The following CHN2 variants were observed in gnomAD, a reference collection of about 807,000 sequenced individuals.
CHN2 encodes beta-chimaerin.
A neutral mutation model predicts 56.3 loss-of-function variants in CHN2; 35 were observed. The ratio of observed to expected loss-of-function variants is 0.62; its 90% CI spans 0.47 to 0.82. The LOEUF (loss-of-function observed/expected upper bound fraction) is 0.82. Among genes scored for constraint, CHN2 ranks in the 40% least tolerant of loss-of-function variants. CHN2 has a pLI of 0.00. For missense variants in CHN2, 491 were observed against 580.5 expected (o/e 0.85, Z 1.58); for synonymous variants, 210 against 212.8 (o/e 0.99, Z 0.12).
At chr7:29,412,523 G>T (rs1803340875) in intron 6 of CHN2, among the ~76,000 whole-genome samples, 1 of 151,874 alleles carries the variant, frequency 6.6e-6, no homozygotes, top group Admixed American at 6.6e-5. Context: ...GTAGAGACAG[G>T]TTTCACCATG....
rs1186450006 is a variant in CHN2, at chr7:29,504,829, T to G, written c.991+8T>G. On this transcript the variant is annotated splice_region_variant and intron_variant, in intron 10 of 12. Coordinates refer to ENST00000222792, the MANE Select transcript of CHN2 (RefSeq NM_004067.4). ...AAATGGCATTTGACAGAGGTAAGCT[T>G]GTACTTTCTTGAATGCCATCTGACA... is the stretch of plus-strand genomic sequence containing the variant. 3 of 1,601,310 alleles carry G rather than the reference T, an allele frequency of 1.9e-6. No homozygotes were observed. In the South Asian group the frequency reaches 3.3e-5, roughly 18 times the overall value.
At chr7:29,484,598 G>A (rs1163181036) in intron 7 of CHN2, among the ~76,000 whole-genome samples, 2 of 152,118 alleles carry the variant, frequency 1.3e-5, no homozygotes, top group Non-Finnish European at 2.9e-5. Flanking sequence ...TTATAAGGTT[G>A]CCAGCCATGG....
At chr7:29,262,453 G>C (rs900232940) in intron 1 of CHN2, among the ~76,000 whole-genome samples, 3 of 152,212 alleles carry the variant, frequency 2.0e-5, no homozygotes, top group African/African-American at 7.2e-5. Context: ...GTATTAAAGA[G>C]AGTTAAATTA....
At chr7:29,332,956 T>G (rs1423839574) in intron 1 of CHN2, 1 of 152,120 alleles carries the variant, frequency 6.6e-6, no homozygotes, top group Non-Finnish European at 1.5e-5. Flanking sequence ...GAAGATGTCC[T>G]CTCTGCACAG....
In CHN2 at chr7:29,262,587, TTAAC is replaced by T. The variant is rs1450153124; in HGVS notation, c.49+67601_49+67604del. On this transcript the variant is annotated intron_variant, in intron 1 of 12. Transcript: ENST00000222792. ...TTCAATTCTCTAATCCTTTTCTTCTTTAACTAATTGTTTCTCTTACTTTTGTCAA... is the reference window on the plus strand; with the variant it reads ...TTCAATTCTCTAATCCTTTTCTTCTTTAATTGTTTCTCTTACTTTTGTCAA... 4.6e-5 allele frequency among the ~76,000 whole-genome samples: 7 copies of T among 152,346 alleles called. No individual in the cohort carries two copies. In the East Asian group the frequency reaches 1.2e-3, roughly 25 times the overall value.
intron 1 of CHN2, among the ~76,000 whole-genome samples, chr7:29,226,395 A>G (rs1786201361): frequency 6.6e-6 from 1 of 152,236 alleles, no homozygotes; most frequent in Admixed American, 6.5e-5. Context: ...TCAGCTGAAA[A>G]ACAGCACATC....
intron 1 of CHN2, among the ~76,000 whole-genome samples, chr7:29,289,814 G>A (rs1052248249): frequency 6.6e-6 from 1 of 152,186 alleles, no homozygotes; most frequent in Non-Finnish European, 1.5e-5. Flanking sequence ...CCGGAGGTTT[G>A]ACTTTAAATG....
At chr7:29,186,962 C>T (rs1798789949) in intron 2 of CHN2, among the ~76,000 whole-genome samples, 1 of 152,126 alleles carries the variant, frequency 6.6e-6, no homozygotes, top group African/African-American at 2.4e-5. Context: ...GTTTTCTAGC[C>T]TCAGTTTCCC....
At chr7:29,480,205 T>C in intron 6 of CHN2, 74 bp from the exon 7 acceptor site, 1 of 1,613,656 alleles carries the variant, frequency 6.2e-7, no homozygotes, top group Non-Finnish European at 8.5e-7. Context: ...CTGCTGGCCG[T>C]AGCCTTCGGG....
At chr7:29,250,400 T>G (rs893293577) in intron 1 of CHN2, among the ~76,000 whole-genome samples, 1 of 152,246 alleles carries the variant, frequency 6.6e-6, no homozygotes, top group African/African-American at 2.4e-5. Flanking sequence ...CCTTTTATCC[T>G]GAAATGTTAC....
rs140278439 is a variant in CHN2, at chr7:29,254,068, C to G, written c.49+59078C>G. Among the ~76,000 whole-genome samples the G allele has an allele frequency of 5.1e-3, 777 of 152,310 alleles. 6 individuals are homozygous for G. Among genetic ancestry groups the G allele is most frequent in the African/African-American group, 0.018 (748 of 41,566 alleles). ...TACAGGCCTGCGCCACTGCGCCCAG[C>G]TGATTTTTGTATTTTTAGTAGAGAC... On this transcript the variant is annotated intron_variant, in intron 1 of 12. Transcript: ENST00000222792.
At chr7:29,424,772 G>A (rs929241657) in intron 6 of CHN2, among the ~76,000 whole-genome samples, 1 of 152,106 alleles carries the variant, frequency 6.6e-6, no homozygotes, top group African/African-American at 2.4e-5. Context: ...GTACTGCCTC[G>A]TCCACCGCGC....
At chr7:29,415,630 G>A (rs1261902715) in intron 6 of CHN2, among the ~76,000 whole-genome samples, 2 of 152,186 alleles carry the variant, frequency 1.3e-5, no homozygotes, top group African/African-American at 4.8e-5. Context: ...AGGTTGGAGA[G>A]GGGGGAGGCT....
chr7:29,320,508 A>C (rs969944058), intron 1 of CHN2, among the ~76,000 whole-genome samples: 2 of 152,190 alleles, frequency 1.3e-5, no homozygotes, highest in Non-Finnish European at 2.9e-5. Context: ...AATTCTCTTT[A>C]TGGAAAGAGA....
Position 29,463,958 on chromosome 7 carries a change from C to T in CHN2, c.577-16321C>T, listed in dbSNP as rs1472852039. Among the ~76,000 whole-genome samples, 5 of 152,270 alleles carry T rather than the reference C, an allele frequency of 3.3e-5. No homozygotes were observed. The East Asian group carries it at 9.7e-4, about 29-fold the overall frequency. On this transcript the variant is annotated intron_variant, in intron 6 of 12. Transcript: ENST00000222792. ...TGTGCTTACTTTGACTGGCATTGCC[C>T]CCTCCACTGGCCCTGAATGACTCAC...
chr7:29,425,578 T>C (rs1457294791), intron 6 of CHN2, among the ~76,000 whole-genome samples: 1 of 152,188 alleles, frequency 6.6e-6, no homozygotes, highest in Non-Finnish European at 1.5e-5. Context: ...CTAAGAATCT[T>C]CTTTAGCTTC....
chr7:29,179,215 C>T (rs887812331), intron 2 of CHN2, among the ~76,000 whole-genome samples: 7 of 152,218 alleles, frequency 4.6e-5, no homozygotes, highest in South Asian at 2.1e-4. Flanking sequence ...GAGAACCCTT[C>T]AGAAGGCTCC....
intron 1 of CHN2, among the ~76,000 whole-genome samples, chr7:29,322,706 T>C (rs1795457541): frequency 6.6e-6 from 1 of 152,212 alleles, no homozygotes; most frequent in Non-Finnish European, 1.5e-5. Flanking sequence ...AAAGGAATTA[T>C]TTACTGCAAA....
rs529216060 is a variant in CHN2, at chr7:29,509,202, C to T, written c.1130-99C>T. The stretch of plus-strand genomic sequence containing the variant: ...TTGGATTGCATGAATTTATTAGAAT[C>T]CTTCCCCACTTCTGGCTAAAACAAA... On this transcript the variant is annotated intron_variant, in intron 11 of 12. Coordinates refer to ENST00000222792, the MANE Select transcript of CHN2 (RefSeq NM_004067.4). 7.6e-6 allele frequency: 6 copies of T among 790,442 alleles called. 1 individual carries two copies. In the South Asian group the frequency reaches 9.3e-5, roughly 12 times the overall value. 49.0% of individuals were successfully genotyped at this position (790,442 alleles called of 1,614,324 possible).
Sources: gnomAD v4.1 joint callset for allele counts (sites outside exome capture counted in the v4.1 genomes callset) on GRCh38, gnomAD v4.1.1 for gene constraint, MANE v1.5 for transcripts, NCBI Gene and HGNC (gene_info 2026-07-23, HGNC 2026-07-21) for gene names.